PRDM16: variants seen among roughly 807,000 people sequenced by gnomAD.
PRDM16 encodes PR/SET domain 16.
Under a neutral mutation model 110.6 loss-of-function variants are expected in PRDM16, and 23 were observed. That is an observed-to-expected ratio of 0.21 (90% CI 0.15 to 0.29). The LOEUF is 0.29. PRDM16 is among the 10% of genes least tolerant of loss of function. The probability of loss-of-function intolerance (pLI) is 1.00; values close to 1 mark genes in which losing one functional copy is unlikely to be tolerated. For synonymous variants in PRDM16, 799 were observed against 781.8 expected (o/e 1.02, Z -0.37); for missense variants, 1,615 against 1,794.3 (o/e 0.90, Z 1.81).
chr1:3,152,022 A>G (rs867040344), intron 1 of PRDM16, among the ~76,000 whole-genome samples: 1 of 152,182 alleles, frequency 6.6e-6, no homozygotes, highest in Non-Finnish European at 1.5e-5. Flanking sequence ...TGTGCTGGTC[A>G]CCACTCGGCC....
At chr1:3,169,378 C>A (rs928075482) in intron 1 of PRDM16, among the ~76,000 whole-genome samples, 1 of 152,122 alleles carries the variant, frequency 6.6e-6, no homozygotes, top group African/African-American at 2.4e-5. Flanking sequence ...CCATGGGAGC[C>A]CCGTCCCTAG....
At chr1:3,084,199 C>T (rs184468372) in intron 1 of PRDM16, among the ~76,000 whole-genome samples, 2 of 152,314 alleles carry the variant, frequency 1.3e-5, no homozygotes, top group African/African-American at 2.4e-5. Flanking sequence ...GCGGTCCTGG[C>T]GGGCCCTGGG....
chr1:3,109,753 G>A (rs1244855561), intron 1 of PRDM16, among the ~76,000 whole-genome samples: 5 of 152,222 alleles, frequency 3.3e-5, no homozygotes, highest in Non-Finnish European at 7.3e-5. Context: ...GAGTTATTAC[G>A]GGGTCTCAAA....
chr1:3,267,720 C>T, intron 3 of PRDM16, among the ~76,000 whole-genome samples: 1 of 152,242 alleles, frequency 6.6e-6, no homozygotes, highest in Admixed American at 6.5e-5. Context: ...CCCTGCCCCT[C>T]CTTCTGAAAG....
rs1557510027 is a variant in PRDM16 at position 3,181,690 on chromosome 1, ACGGTCTTACACACGGTCTTACACACG to A, written c.38-4433_38-4408del. Among the ~76,000 whole-genome samples, 511 of 104,024 alleles carry A rather than the reference ACGGTCTTACACACGGTCTTACACACG, an allele frequency of 4.9e-3. 17 individuals are homozygous for A. Among genetic ancestry groups the A allele is most frequent in the South Asian group, 5.9e-3 (16 of 2,696 alleles). The allele number at this position is 104,024 out of a possible 152,430, so 68.2% of individuals were successfully genotyped here. A position where few individuals can be genotyped will look rare whatever the true frequency, so the allele number is the denominator to read the frequency against. On this transcript the variant is annotated intron_variant, in intron 1 of 16. Transcript: ENST00000270722. ...CAGTCTTACACGCGCAGTCTTACACACGGTCTTACACACGGTCTTACACACGCAGTCTTACACACGGTCTTACACAC... is the reference window on the plus strand; with the variant it reads ...CAGTCTTACACGCGCAGTCTTACACACAGTCTTACACACGGTCTTACACAC...
Position 3,246,585 on chromosome 1 carries a change from G to A in PRDM16, c.438+2448G>A, listed in dbSNP as rs1036433171. On this transcript the variant is annotated intron_variant, in intron 3 of 16. Coordinates refer to ENST00000270722, the MANE Select transcript of PRDM16 (RefSeq NM_022114.4). The surrounding 1 kb of genome is among the most constrained non-coding windows in gnomAD (Gnocchi z 5.2). Reference sequence around the variant, plus strand: ...AGTCCGAGGGGCTGGGGGCTGCCTGGAGGAGGCACCCAAGTCCTCAGGCAC... The same window carrying A: ...AGTCCGAGGGGCTGGGGGCTGCCTGAAGGAGGCACCCAAGTCCTCAGGCAC... 6.6e-6 allele frequency among the ~76,000 whole-genome samples: 1 copy of A among 152,236 alleles called. No individual in the cohort carries two copies. The highest frequency in any genetic ancestry group is 6.5e-5 in the Admixed American group (1 of 15,288).
chr1:3,128,447 C>T (rs567949676), intron 1 of PRDM16, among the ~76,000 whole-genome samples: 2 of 152,298 alleles, frequency 1.3e-5, no homozygotes, highest in South Asian at 2.1e-4. Flanking sequence ...AAACGCAGGT[C>T]ACAGTAGCAG....
chr1:3,103,294 G>C (rs573162640), intron 1 of PRDM16, among the ~76,000 whole-genome samples: 2 of 152,336 alleles, frequency 1.3e-5, no homozygotes, highest in African/African-American at 4.8e-5. Context: ...TCTTCTGCCT[G>C]TGTCTTCACA....
At position 3,407,587 on chromosome 1, in the gene PRDM16, G is replaced by A. The variant is rs572806639; in HGVS notation, c.1186+1939G>A. Among the ~76,000 whole-genome samples, 241 of 152,336 alleles carry A rather than the reference G, an allele frequency of 1.6e-3. 1 individual carries two copies. The highest frequency in any genetic ancestry group is 5.4e-3 in the African/African-American group (225 of 41,570). ...TCCAGTGAGAGCGGCACCAGTTGGT[G>A]CCTCAGATGACAACGTGGAGTTCTA... On this transcript the variant is annotated intron_variant, in intron 8 of 16. Coordinates refer to ENST00000270722, the MANE Select transcript of PRDM16 (RefSeq NM_022114.4).
At chr1:3,121,254 G>A (rs2100662508) in intron 1 of PRDM16, among the ~76,000 whole-genome samples, 1 of 152,344 alleles carries the variant, frequency 6.6e-6, no homozygotes, top group East Asian at 1.9e-4. Flanking sequence ...CCTCCCAGCA[G>A]GACCCGGGGC....
intron 3 of PRDM16, among the ~76,000 whole-genome samples, chr1:3,337,084 C>T (rs567230507): frequency 2.0e-4 from 28 of 140,566 alleles, no homozygotes; most frequent in Admixed American, 5.7e-4. Flanking sequence ...CGTGTGTGAG[C>T]GCATGCATCC....
chr1:3,295,948 C>A (rs59486466), intron 3 of PRDM16, among the ~76,000 whole-genome samples: 3,274 of 152,120 alleles, frequency 0.022, 129 homozygotes, highest in African/African-American at 0.074. Context: ...ACCTGCCCTC[C>A]CCAATCAGAA....
chr1:3,304,705 C>A (rs1025765200), intron 3 of PRDM16, among the ~76,000 whole-genome samples: 2 of 152,110 alleles, frequency 1.3e-5, no homozygotes, highest in Non-Finnish European at 2.9e-5. Flanking sequence ...TCTGTGAGCA[C>A]GTCTGATGGC....
intron 1 of PRDM16, among the ~76,000 whole-genome samples, chr1:3,101,951 C>G (rs1289870562): frequency 6.6e-6 from 1 of 152,182 alleles, no homozygotes; most frequent in Non-Finnish European, 1.5e-5. Flanking sequence ...AGCCGAAAAG[C>G]ACAGCCCCTC....
intron 3 of PRDM16, among the ~76,000 whole-genome samples, chr1:3,380,108 C>G (rs1253199660): frequency 2.0e-5 from 3 of 150,892 alleles, no homozygotes; most frequent in Non-Finnish European, 4.4e-5. Context: ...CAACACATCC[C>G]CTCCCCGTGC....
At chr1:3,427,367 G>A (rs948393918) in intron 14 of PRDM16, among the ~76,000 whole-genome samples, 1 of 152,186 alleles carries the variant, frequency 6.6e-6, no homozygotes, top group African/African-American at 2.4e-5. Flanking sequence ...ACAGAAGTGG[G>A]GTGTCTTGCT....
intron 3 of PRDM16, among the ~76,000 whole-genome samples, chr1:3,329,374 C>T (rs1641994904): frequency 6.6e-6 from 1 of 152,188 alleles, no homozygotes; most frequent in Non-Finnish European, 1.5e-5. Flanking sequence ...ACCCCCCACC[C>T]CTTCCCGACT....
At chr1:3,402,673 C>G (rs1012347590) in intron 5 of PRDM16, 118 bp from the exon 6 acceptor site, 52 of 842,338 alleles carry the variant, frequency 6.2e-5, no homozygotes, top group Non-Finnish European at 9.8e-5. Flanking sequence ...GCAGGACTGG[C>G]CAGCCTGGGT....
chr1:3,075,591 C>A (rs1436199707), intron 1 of PRDM16, among the ~76,000 whole-genome samples: 1 of 152,238 alleles, frequency 6.6e-6, no homozygotes, highest in African/African-American at 2.4e-5. Flanking sequence ...GTTTTTATAA[C>A]CCTTTGCAAA....
Sources: gnomAD v4.1 joint callset for allele counts (sites outside exome capture counted in the v4.1 genomes callset) on GRCh38, gnomAD v4.1.1 for gene constraint, Gnocchi (gnomAD v3.1) non-coding constraint, MANE v1.5 for transcripts, NCBI Gene and HGNC (gene_info 2026-07-23, HGNC 2026-07-21) for gene names.